Variants in ZNF385D observed in about 807,000 individuals in gnomAD.
The protein encoded by ZNF385D is zinc finger protein 385D.
In ZNF385D, 15 loss-of-function variants were observed where a neutral mutation model predicts 35.8. The ratio of observed to expected loss-of-function variants is 0.42; its 90% CI spans 0.28 to 0.64. The LOEUF (loss-of-function observed/expected upper bound fraction) is 0.64. Ranked by LOEUF, ZNF385D falls within the 30% of genes least tolerant of loss-of-function variation. The probability of loss-of-function intolerance (pLI) is 0.23; values close to 1 mark genes in which losing one functional copy is unlikely to be tolerated. For synonymous variants in ZNF385D, 212 were observed against 186.8 expected, an observed-to-expected ratio of 1.13 and a Z score of -1.10; for missense variants, 474 against 494.6, an observed-to-expected ratio of 0.96 and a Z score of 0.39.
At chr3:21,450,557 T>C (rs192486384) in intron 4 of ZNF385D, among the ~76,000 whole-genome samples, 7 of 152,288 alleles carry the variant, frequency 4.6e-5, no homozygotes, top group Admixed American at 6.5e-5. Context: ...GGAGTTGAAC[T>C]GTATGATTTG....
chr3:22,204,259 CCAG>C (rs1697000213), intron 2 of ZNF385D, among the ~76,000 whole-genome samples: 1 of 152,072 alleles, frequency 6.6e-6, no homozygotes, highest in Non-Finnish European at 1.5e-5. Flanking sequence ...AGTACCTCAA[CCAG>C]TCTGTAAGAA....
chr3:21,734,575 A>G (rs1314762195), intron 1 of ZNF385D, among the ~76,000 whole-genome samples: 1 of 152,114 alleles, frequency 6.6e-6, no homozygotes, highest in African/African-American at 2.4e-5. Context: ...GATGGACAAC[A>G]TGAGGTAAAG....
intron 3 of ZNF385D, among the ~76,000 whole-genome samples, chr3:22,074,128 A>G (rs1257375992): frequency 1.3e-5 from 2 of 151,932 alleles, no homozygotes; most frequent in African/African-American, 4.8e-5. Context: ...TGTACCTGTA[A>G]GATGAAGACA....
intron 3 of ZNF385D, among the ~76,000 whole-genome samples, chr3:22,003,190 C>T (rs1576128428): frequency 6.6e-6 from 1 of 152,058 alleles, no homozygotes; most frequent in East Asian, 1.9e-4. Flanking sequence ...AATATTCCAC[C>T]CCAATCTCTT....
chr3:22,165,733 G>A (rs1400851568), intron 3 of ZNF385D, among the ~76,000 whole-genome samples: 2 of 151,996 alleles, frequency 1.3e-5, no homozygotes, highest in East Asian at 1.9e-4. Flanking sequence ...TTCTTAGGAG[G>A]AGACCCCAGA....
intron 4 of ZNF385D, among the ~76,000 whole-genome samples, chr3:21,461,549 AAAACAAAC>A (rs563136778): frequency 3.4e-4 from 51 of 151,144 alleles, no homozygotes; most frequent in African/African-American, 1.1e-3. Context: ...CTCTATCTCA[AAAACAAAC>A]AAACAAACAA....
intron 3 of ZNF385D, among the ~76,000 whole-genome samples, chr3:21,882,205 G>T (rs543903526): frequency 1.1e-4 from 17 of 152,082 alleles, no homozygotes; most frequent in African/African-American, 4.1e-4. Flanking sequence ...GCATGCTACA[G>T]AGAAATCTTT....
chr3:22,178,802 T>C (rs918841179), intron 2 of ZNF385D, among the ~76,000 whole-genome samples: 1 of 152,230 alleles, frequency 6.6e-6, no homozygotes, highest in African/African-American at 2.4e-5. Context: ...TTTCTACATA[T>C]GGCTAGCCAG....
At chr3:22,217,525 A>G (rs924053413) in intron 2 of ZNF385D, among the ~76,000 whole-genome samples, 1 of 152,166 alleles carries the variant, frequency 6.6e-6, no homozygotes, top group African/African-American at 2.4e-5. Context: ...AAATAAGGTT[A>G]TATTTTGAAG....
At chr3:21,487,926 G>A (rs1705152928) in intron 4 of ZNF385D, among the ~76,000 whole-genome samples, 1 of 152,128 alleles carries the variant, frequency 6.6e-6, no homozygotes, top group Non-Finnish European at 1.5e-5. Context: ...AAATGTGTAA[G>A]CTATTGTTAC....
intron 1 of ZNF385D, among the ~76,000 whole-genome samples, chr3:21,684,072 C>T (rs949576475): frequency 6.7e-6 from 1 of 149,778 alleles, no homozygotes; most frequent in African/African-American, 2.5e-5. Flanking sequence ...AGAACTCTGA[C>T]ACTGTGAGTG....
chr3:22,069,838 A>G (rs1345541033), intron 3 of ZNF385D, among the ~76,000 whole-genome samples: 13 of 152,108 alleles, frequency 8.5e-5, no homozygotes, highest in Non-Finnish European at 1.5e-5. Flanking sequence ...CCACGTAGGA[A>G]AACCCCACTG....
At chr3:21,783,768 C>G (rs1157314915) in intron 3 of ZNF385D, among the ~76,000 whole-genome samples, 2 of 152,128 alleles carry the variant, frequency 1.3e-5, no homozygotes, top group Non-Finnish European at 2.9e-5. Context: ...AATAAAATAG[C>G]AGCTTCAGGC....
At chr3:21,523,518 T>C (rs1359370779) in intron 3 of ZNF385D, among the ~76,000 whole-genome samples, 1 of 152,198 alleles carries the variant, frequency 6.6e-6, no homozygotes, top group Non-Finnish European at 1.5e-5. Flanking sequence ...TAATATTACG[T>C]GCATCACTCT....
intron 3 of ZNF385D, among the ~76,000 whole-genome samples, chr3:21,765,730 GAA>G (rs1473929460): frequency 2.2e-5 from 3 of 135,888 alleles, no homozygotes; most frequent in African/African-American, 7.5e-5. Flanking sequence ...CACAGAGAGA[GAA>G]AGAGAGAGAG....
chr3:21,496,494 GATATATATA>G (rs1705884908), intron 4 of ZNF385D, among the ~76,000 whole-genome samples: 4 of 125,214 alleles, frequency 3.2e-5, no homozygotes, highest in Non-Finnish European at 4.9e-5. Context: ...ACATATATTT[GATATATATA>G]TCATATATAT....
At chr3:21,883,545 T>C (rs1410074804) in intron 3 of ZNF385D, among the ~76,000 whole-genome samples, 1 of 151,998 alleles carries the variant, frequency 6.6e-6, no homozygotes, top group African/African-American at 2.4e-5. Context: ...TCATGCTATT[T>C]CATGAAGTGA....
intron 2 of ZNF385D, among the ~76,000 whole-genome samples, chr3:22,178,051 A>G (rs923317243): frequency 5.3e-5 from 8 of 152,236 alleles, no homozygotes; most frequent in African/African-American, 1.9e-4. Flanking sequence ...ACATATGTGT[A>G]CATGTGTCTT....
intron 3 of ZNF385D, among the ~76,000 whole-genome samples, chr3:22,127,747 G>C (rs1008317059): frequency 6.6e-6 from 1 of 151,970 alleles, no homozygotes; most frequent in Non-Finnish European, 1.5e-5. Context: ...AACAACCAAA[G>C]AAACTAAACA....
Sources: gnomAD v4.1 joint callset for allele counts (sites outside exome capture counted in the v4.1 genomes callset) on GRCh38, gnomAD v4.1.1 for gene constraint, MANE v1.5 for transcripts, NCBI Gene and HGNC (gene_info 2026-07-23, HGNC 2026-07-21) for gene names.